MYBL2: variants seen among roughly 807,000 people sequenced by gnomAD.
MYBL2 encodes the protein myb-related protein B.
Under a neutral mutation model 79.9 loss-of-function variants are expected in MYBL2, and 28 were observed. The ratio of observed to expected loss-of-function variants is 0.35; its 90% CI spans 0.26 to 0.48. MYBL2 has a LOEUF of 0.48. MYBL2 is among the 20% of genes least tolerant of loss of function. The probability of loss-of-function intolerance (pLI) is 0.99; values close to 1 mark genes in which losing one functional copy is unlikely to be tolerated. For missense variants in MYBL2, 735 were observed against 893.9 expected, an observed-to-expected ratio of 0.82 and a Z score of 2.27; for synonymous variants, 378 against 361.2, an observed-to-expected ratio of 1.05 and a Z score of -0.53.
intron 9 of MYBL2, among the ~76,000 whole-genome samples, chr20:43,708,974 CTG>C (rs1174163062): frequency 1.3e-5 from 2 of 152,202 alleles, no homozygotes; most frequent in Admixed American, 6.5e-5. Context: ...TGGGAAGAGA[CTG>C]TGGATCCCTG....
chr20:43,671,733 G>A (rs1440431205), intron 1 of MYBL2, among the ~76,000 whole-genome samples: 1 of 151,726 alleles, frequency 6.6e-6, no homozygotes, highest in Non-Finnish European at 1.5e-5. Context: ...TGGCCCCAAA[G>A]TGCTGGGATT....
intron 9 of MYBL2, among the ~76,000 whole-genome samples, chr20:43,706,341 A>G (rs1050402903): frequency 7.2e-5 from 11 of 152,166 alleles, no homozygotes; most frequent in Non-Finnish European, 1.6e-4. Context: ...AAGCCTGTAC[A>G]GGTTGCTCGC....
In MYBL2 at chr20:43,702,615, C is replaced by T. The variant is rs1294575760; in HGVS notation, c.1077C>T (p.Arg359=). 1 of 1,614,178 alleles carries T rather than the reference C, an allele frequency of 6.2e-7. No individual in the cohort carries two copies. The highest frequency in any genetic ancestry group is 1.7e-5 in the Admixed American group (1 of 60,018). The change falls in exon 8 of 14, where the codon CGC becomes CGT. Residue 359 remains arginine, a synonymous_variant. Transcript: ENST00000217026. ...ATCAGCAGCAAGTCCTGCCACCCCG[C>T]CAGCCTTCCGCCCTGGTGCCCAGTG... ...ASHQQQVLPP[R]QPSALVPSVT...
chr20:43,714,909 G>A (rs969431039), intron 12 of MYBL2, among the ~76,000 whole-genome samples: 3 of 152,186 alleles, frequency 2.0e-5, no homozygotes, highest in South Asian at 2.1e-4. Flanking sequence ...GATTACAGGC[G>A]TGAGCCACCG....
At chr20:43,714,231 AAGCAG>A (rs1987977157) in intron 12 of MYBL2, among the ~76,000 whole-genome samples, 1 of 152,116 alleles carries the variant, frequency 6.6e-6, no homozygotes, top group Non-Finnish European at 1.5e-5. Flanking sequence ...GCACAGTGCC[AAGCAG>A]AGCAGAGAGA....
chr20:43,683,720 A>G (rs1465726508), intron 4 of MYBL2, among the ~76,000 whole-genome samples: 1 of 151,496 alleles, frequency 6.6e-6, no homozygotes, highest in African/African-American at 2.4e-5. Flanking sequence ...CACCTGGCTA[A>G]TTTTTTTGTA....
chr20:43,710,221 G>T (rs531818620), intron 10 of MYBL2, among the ~76,000 whole-genome samples, 159 bp downstream of exon 10: 1 of 152,196 alleles, frequency 6.6e-6, no homozygotes, highest in Admixed American at 6.5e-5. Context: ...GGAAGCTGAG[G>T]CTGCTCTTTG....
rs756799962 is a variant in MYBL2 at position 43,699,920 on chromosome 20, G to A, written c.827G>A (p.Arg276His). 2.0e-5 allele frequency: 32 copies of A among 1,614,002 alleles called. No homozygotes were observed. Among genetic ancestry groups the A allele is most frequent in the East Asian group, 1.1e-4 (5 of 44,894 alleles). Residue 276 changes from arginine to histidine, a missense_variant, in exon 7 of 14, where the codon CGT becomes CAT. Arg to His is a conservative substitution (Grantham distance 29, BLOSUM62 0). This residue lies in a region of MYBL2 where 144 missense variants were observed against 131.9 expected (regional missense o/e 1.09). Transcript: ENST00000217026. ...GAGCCCTTGGAGGAATTCCCGAAGC[G>A]TGAGGACCAGGAAGGCTCCCCACCA... ...TPEPLEEFPK[R>H]EDQEGSPPET... is the part of the protein sequence containing the mutation.
intron 12 of MYBL2, 110 bp downstream of exon 12, chr20:43,713,216 G>A (rs1600567809): frequency 2.7e-6 from 2 of 731,284 alleles, no homozygotes; most frequent in Admixed American, 2.3e-5. Flanking sequence ...CTGCAGGGAG[G>A]GGCTATCAGG....
At chr20:43,713,238 C>CG in intron 12 of MYBL2, 132 bp downstream of exon 12, 1 of 391,252 alleles carries the variant, frequency 2.6e-6, no homozygotes, top group Non-Finnish European at 5.1e-6. Context: ...AGGGTGGGTC[C>CG]GGGCACCCAC....
chr20:43,700,130 T>G, intron 7 of MYBL2, 86 bp downstream of exon 7: 2 of 1,510,364 alleles, frequency 1.3e-6, no homozygotes, highest in Non-Finnish European at 1.8e-6. Flanking sequence ...CTTTTGCTCA[T>G]TCCATCGCCC....
chr20:43,677,895 G>A (rs1391892955), intron 2 of MYBL2, among the ~76,000 whole-genome samples: 1 of 152,202 alleles, frequency 6.6e-6, no homozygotes, highest in Non-Finnish European at 1.5e-5. Flanking sequence ...TTGAGAAATC[G>A]GATGGTTGCC....
chr20:43,689,808 G>A (rs1404473692), intron 5 of MYBL2, among the ~76,000 whole-genome samples: 1 of 152,206 alleles, frequency 6.6e-6, no homozygotes, highest in Non-Finnish European at 1.5e-5. Context: ...CTGGCACACA[G>A]TGGGTGCTTT....
At chr20:43,703,458 C>T (rs1376857131) in intron 8 of MYBL2, among the ~76,000 whole-genome samples, 3 of 152,134 alleles carry the variant, frequency 2.0e-5, no homozygotes, top group Admixed American at 6.5e-5. Flanking sequence ...CACAGAGCCT[C>T]GGGAGCCGGG....
chr20:43,681,381 G>T (rs1987139103), intron 2 of MYBL2, among the ~76,000 whole-genome samples: 2 of 152,188 alleles, frequency 1.3e-5, no homozygotes, highest in African/African-American at 4.8e-5. Context: ...ATGATAGATG[G>T]TTGAACTGAT....
intron 6 of MYBL2, among the ~76,000 whole-genome samples, chr20:43,698,595 T>C (rs964493799): frequency 1.3e-5 from 2 of 151,030 alleles, no homozygotes; most frequent in East Asian, 3.9e-4. Flanking sequence ...GCCAGGATGG[T>C]CTCGATCCTC....
intron 2 of MYBL2, among the ~76,000 whole-genome samples, chr20:43,677,488 G>T (rs1292466076): frequency 6.6e-6 from 1 of 152,248 alleles, no homozygotes; most frequent in Non-Finnish European, 1.5e-5. Context: ...AAGACCTACA[G>T]TGTGCAAAAA....
At chr20:43,709,887 G>T in intron 9 of MYBL2, 76 bp from the exon 10 acceptor site, 1 of 1,229,960 alleles carries the variant, frequency 8.1e-7, no homozygotes, top group Non-Finnish European at 1.1e-6. Flanking sequence ...ACTGGGGGAA[G>T]GTGGAGCCAG....
chr20:43,688,282 A>G (rs1987327916), intron 5 of MYBL2, among the ~76,000 whole-genome samples: 1 of 150,780 alleles, frequency 6.6e-6, no homozygotes, highest in African/African-American at 2.4e-5. Flanking sequence ...GCTCACTGCA[A>G]CCTCTGCCTC....
Sources: gnomAD v4.1 joint callset for allele counts (sites outside exome capture counted in the v4.1 genomes callset) on GRCh38, gnomAD v4.1.1 for gene constraint, gnomAD v4.1.1 regional missense constraint, MANE v1.5 for transcripts, NCBI Gene and HGNC (gene_info 2026-07-23, HGNC 2026-07-21) for gene names.